The following MACROD2 variants were observed in gnomAD, a reference collection of about 807,000 sequenced individuals.
MACROD2 encodes mono-ADP ribosylhydrolase 2.
Under a neutral mutation model 70.4 loss-of-function variants are expected in MACROD2, and 36 were observed. The observed-to-expected ratio is 0.51, with a 90% CI of 0.39 to 0.68. The LOEUF is 0.68. Ranked by LOEUF, MACROD2 falls within the 30% of genes least tolerant of loss-of-function variation. The pLI, the probability that MACROD2 is intolerant of heterozygous loss-of-function variation, is 0.00. For synonymous variants in MACROD2, 172 were observed against 178.8 expected, an observed-to-expected ratio of 0.96 and a Z score of 0.30; for missense variants, 496 against 538.4, an observed-to-expected ratio of 0.92 and a Z score of 0.78.
intron 3 of MACROD2, among the ~76,000 whole-genome samples, chr20:14,139,885 A>G (rs1445583324): frequency 6.6e-6 from 1 of 152,204 alleles, no homozygotes; most frequent in Non-Finnish European, 1.5e-5. Flanking sequence ...CGCAGTCAAA[A>G]TGTAGGCACA....
intron 3 of MACROD2, among the ~76,000 whole-genome samples, chr20:14,129,871 A>G (rs1362412300): frequency 6.6e-6 from 1 of 152,216 alleles, no homozygotes; most frequent in East Asian, 1.9e-4. Context: ...GTGTTTTTAG[A>G]CATAATGTCA....
intron 3 of MACROD2, among the ~76,000 whole-genome samples, chr20:14,322,827 G>A (rs1012441429): frequency 2.0e-5 from 3 of 152,048 alleles, no homozygotes; most frequent in Admixed American, 6.6e-5. Context: ...CATGCACATC[G>A]TGTCATTTAA....
At chr20:15,119,070 T>G (rs1398014632) in intron 5 of MACROD2, among the ~76,000 whole-genome samples, 1 of 152,194 alleles carries the variant, frequency 6.6e-6, no homozygotes, top group Non-Finnish European at 1.5e-5. Context: ...TTTAAAATCC[T>G]TGGGAACTAG....
chr20:15,543,179 C>A (rs2047980715), intron 8 of MACROD2, among the ~76,000 whole-genome samples: 1 of 152,124 alleles, frequency 6.6e-6, no homozygotes. Flanking sequence ...GGAAGTATAG[C>A]AGAGTTTAAG....
chr20:15,499,870 T>C (rs1182366003), intron 8 of MACROD2, 23 bp downstream of exon 8: 2 of 1,605,840 alleles, frequency 1.2e-6, no homozygotes, highest in East Asian at 2.2e-5. Flanking sequence ...ACATAATCAG[T>C]GAACATCCAA....
At chr20:15,541,463 T>C (rs2047954692) in intron 8 of MACROD2, among the ~76,000 whole-genome samples, 1 of 152,156 alleles carries the variant, frequency 6.6e-6, no homozygotes. Context: ...GAGTTGTGAT[T>C]AACAGGCAAG....
chr20:15,260,032 G>A (rs1347037166), intron 6 of MACROD2, among the ~76,000 whole-genome samples: 1 of 151,768 alleles, frequency 6.6e-6, no homozygotes, highest in Non-Finnish European at 1.5e-5. Flanking sequence ...ACATATGTAT[G>A]TGGTACATGT....
chr20:15,183,429 C>T (rs2076513818), intron 5 of MACROD2, among the ~76,000 whole-genome samples: 1 of 151,866 alleles, frequency 6.6e-6, no homozygotes, highest in African/African-American at 2.4e-5. Context: ...GTCCCACCTA[C>T]ATGGGAGGAT....
chr20:15,824,443 A>G (rs1055420779), intron 8 of MACROD2, among the ~76,000 whole-genome samples: 3 of 152,198 alleles, frequency 2.0e-5, no homozygotes, highest in Admixed American at 6.5e-5. Flanking sequence ...GTTACTTTCT[A>G]GAATAGGAGG....
Position 15,578,760 on chromosome 20 carries a change from T to C in MACROD2, c.645+78913T>C, listed in dbSNP as rs192373686. Among the ~76,000 whole-genome samples the C allele has an allele frequency of 2.0e-5, 3 of 150,900 alleles. No individual in the cohort carries two copies. The East Asian group carries it at 5.8e-4, about 29-fold the overall frequency. On this transcript the variant is annotated intron_variant, in intron 8 of 17. Transcript: ENST00000684519. ...TGCAGTTTCAGAAAATCCGTTGAGC[T>C]GTGACTTCATTACTTACGACTATGC...
chr20:15,902,377 G>A (rs1005242666), intron 10 of MACROD2, among the ~76,000 whole-genome samples: 5 of 152,092 alleles, frequency 3.3e-5, no homozygotes, highest in African/African-American at 1.2e-4. Flanking sequence ...CTCTCTTGGG[G>A]CTTTTATTCT....
intron 3 of MACROD2, among the ~76,000 whole-genome samples, chr20:14,200,332 A>C (rs1188830014): frequency 6.6e-6 from 1 of 152,198 alleles, no homozygotes; most frequent in East Asian, 1.9e-4. Context: ...ATGAGAACAC[A>C]TGGACCCATA....
intron 4 of MACROD2, among the ~76,000 whole-genome samples, chr20:14,656,465 T>A (rs535289210): frequency 3.3e-5 from 5 of 152,350 alleles, no homozygotes; most frequent in Non-Finnish European, 5.9e-5. Context: ...TTATTTCCAC[T>A]GGCAACAATG....
chr20:15,759,298 A>C (rs1311560904), intron 8 of MACROD2, among the ~76,000 whole-genome samples: 1 of 152,152 alleles, frequency 6.6e-6, no homozygotes, highest in Non-Finnish European at 1.5e-5. Flanking sequence ...AAAAAGAAAA[A>C]AGACAATATA....
At chr20:14,709,209 A>G (rs987292404) in intron 5 of MACROD2, among the ~76,000 whole-genome samples, 7 of 149,858 alleles carry the variant, frequency 4.7e-5, no homozygotes, top group Non-Finnish European at 7.4e-5. Context: ...GGTTTTTTAT[A>G]TAACACTAAA....
At chr20:14,755,196 A>C (rs1320287261) in intron 5 of MACROD2, among the ~76,000 whole-genome samples, 1 of 151,568 alleles carries the variant, frequency 6.6e-6, no homozygotes, top group Non-Finnish European at 1.5e-5. Flanking sequence ...GGGAGAGTCC[A>C]CTCTTTCCTG....
chr20:14,998,868 G>C (rs1350656614), intron 5 of MACROD2, among the ~76,000 whole-genome samples: 4 of 152,140 alleles, frequency 2.6e-5, no homozygotes, highest in Non-Finnish European at 5.9e-5. Flanking sequence ...TTAAAGAAAG[G>C]GTTCTAAAAG....
chr20:15,391,260 G>A (rs2052320605), intron 6 of MACROD2, among the ~76,000 whole-genome samples: 1 of 152,320 alleles, frequency 6.6e-6, no homozygotes, highest in South Asian at 2.1e-4. Flanking sequence ...ACATCTGCTC[G>A]ATCAGTGCAA....
intron 6 of MACROD2, among the ~76,000 whole-genome samples, chr20:15,367,915 T>A (rs2045435325): frequency 6.6e-6 from 1 of 152,148 alleles, no homozygotes; most frequent in African/African-American, 2.4e-5. Flanking sequence ...TTTTTCAATT[T>A]TAGAGGTCTC....
Sources: gnomAD v4.1 joint callset for allele counts (sites outside exome capture counted in the v4.1 genomes callset) on GRCh38, gnomAD v4.1.1 for gene constraint, MANE v1.5 for transcripts, NCBI Gene and HGNC (gene_info 2026-07-23, HGNC 2026-07-21) for gene names.